LSAMP: variants seen among roughly 807,000 people sequenced by gnomAD.
LSAMP encodes the protein limbic system-associated membrane protein.
In LSAMP, 7 loss-of-function variants were observed where a neutral mutation model predicts 38.6. That is an observed-to-expected ratio of 0.18 (90% CI 0.10 to 0.34). The LOEUF is 0.34. Ranked by LOEUF, LSAMP falls within the 10% of genes least tolerant of loss-of-function variation. The pLI is 1.00. For synonymous variants in LSAMP, 154 were observed against 166.8 expected, an observed-to-expected ratio of 0.92 and a Z score of 0.59; for missense variants, 313 against 420.0, an observed-to-expected ratio of 0.75 and a Z score of 2.23.
intron 3 of LSAMP, among the ~76,000 whole-genome samples, chr3:115,919,814 G>T (rs1937341113): frequency 6.6e-6 from 1 of 152,110 alleles, no homozygotes; most frequent in African/African-American, 2.4e-5. Context: ...GTTTCACCAT[G>T]TTGGCCAGGC....
chr3:116,417,964 G>C (rs190791754), intron 1 of LSAMP, among the ~76,000 whole-genome samples: 6 of 152,262 alleles, frequency 3.9e-5, no homozygotes, highest in Non-Finnish European at 8.8e-5. Context: ...AGAGATAGAA[G>C]TTTGAGACTA....
intron 3 of LSAMP, among the ~76,000 whole-genome samples, chr3:115,924,493 ATGT>A (rs1223692148): frequency 1.3e-5 from 2 of 152,218 alleles, no homozygotes; most frequent in Non-Finnish European, 2.9e-5. Context: ...TATTGTCCAA[ATGT>A]TGCCTTCATA....
At chr3:116,386,737 T>C (rs2048631071) in intron 1 of LSAMP, among the ~76,000 whole-genome samples, 1 of 152,172 alleles carries the variant, frequency 6.6e-6, no homozygotes, top group Admixed American at 6.5e-5. Context: ...CTTCCCACAA[T>C]GCTGGGGTTA....
chr3:116,316,511 G>A (rs1201345262), intron 1 of LSAMP, among the ~76,000 whole-genome samples: 1 of 152,150 alleles, frequency 6.6e-6, no homozygotes, highest in African/African-American at 2.4e-5. Context: ...CGTGGCTCAC[G>A]CCTGTAATCC....
chr3:115,922,973 CTG>C (rs1559882478), intron 3 of LSAMP, among the ~76,000 whole-genome samples: 1 of 152,194 alleles, frequency 6.6e-6, no homozygotes, highest in African/African-American at 2.4e-5. Context: ...TCTGCCAGCA[CTG>C]TGAGTGAGGC....
intron 1 of LSAMP, among the ~76,000 whole-genome samples, chr3:116,261,756 A>G (rs1448762007): frequency 6.6e-6 from 1 of 151,908 alleles, no homozygotes; most frequent in Non-Finnish European, 1.5e-5. Context: ...ATGCTCTTAG[A>G]TCATTCTCTT....
chr3:116,063,344 C>A (rs1306643234), intron 2 of LSAMP, among the ~76,000 whole-genome samples: 1 of 152,188 alleles, frequency 6.6e-6, no homozygotes, highest in African/African-American at 2.4e-5. Context: ...CCCTGAAGAA[C>A]AAAATCCAGC....
chr3:116,220,394 CAA>C (rs1262975088), intron 1 of LSAMP, among the ~76,000 whole-genome samples: 2 of 130,290 alleles, frequency 1.5e-5, no homozygotes, highest in Non-Finnish European at 3.4e-5. Context: ...CACACACACA[CAA>C]AAGATACTTC....
intron 1 of LSAMP, among the ~76,000 whole-genome samples, chr3:116,366,194 A>G (rs2048351397): frequency 6.6e-6 from 1 of 152,034 alleles, no homozygotes; most frequent in South Asian, 2.1e-4. Context: ...AATCTCATTC[A>G]AAAGTGGGCA....
intron 1 of LSAMP, among the ~76,000 whole-genome samples, chr3:116,255,252 G>A (rs2046734425): frequency 6.6e-6 from 1 of 152,114 alleles, no homozygotes; most frequent in Admixed American, 6.6e-5. Context: ...ACTAACTAAA[G>A]AAGAAATTCC....
intron 3 of LSAMP, among the ~76,000 whole-genome samples, chr3:115,925,462 A>G (rs959884186): frequency 6.6e-6 from 1 of 152,208 alleles, no homozygotes; most frequent in African/African-American, 2.4e-5. Context: ...CAGTTAAATG[A>G]TGGGCCTCCA....
intron 3 of LSAMP, among the ~76,000 whole-genome samples, chr3:115,887,701 C>A (rs1936491099): frequency 6.6e-6 from 1 of 151,830 alleles, no homozygotes; most frequent in Non-Finnish European, 1.5e-5. Context: ...AATGAATTAT[C>A]AGTTTAGCAG....
intron 3 of LSAMP, among the ~76,000 whole-genome samples, chr3:115,863,742 T>G (rs1935779551): frequency 6.6e-6 from 1 of 152,008 alleles, no homozygotes; most frequent in South Asian, 2.1e-4. Context: ...ATATATTACC[T>G]TTATAATGCA....
chr3:116,353,662 C>CA (rs2048180673), intron 1 of LSAMP, among the ~76,000 whole-genome samples: 1 of 151,504 alleles, frequency 6.6e-6, no homozygotes, highest in African/African-American at 2.4e-5. Context: ...AGTGACAATA[C>CA]AAAAAAATGG....
At chr3:115,901,127 A>G (rs1017436150) in intron 3 of LSAMP, among the ~76,000 whole-genome samples, 1 of 152,094 alleles carries the variant, frequency 6.6e-6, no homozygotes, top group South Asian at 2.1e-4. Flanking sequence ...ATTCTCTGCT[A>G]TTAGCTGCTC....
chr3:116,291,853 A>T (rs756458022), intron 1 of LSAMP, among the ~76,000 whole-genome samples: 14 of 152,210 alleles, frequency 9.2e-5, no homozygotes, highest in Non-Finnish European at 1.9e-4. Flanking sequence ...TTTTCTGGAA[A>T]AATAATCCTT....
chr3:116,181,687 T>G (rs1903436), intron 1 of LSAMP, among the ~76,000 whole-genome samples: 75,833 of 151,734 alleles, frequency 0.5, 21,435 homozygotes, highest in East Asian at 0.74. Context: ...AGACAAATTA[T>G]TGTTATTATT....
intron 3 of LSAMP, among the ~76,000 whole-genome samples, chr3:115,958,787 C>T (rs896018666): frequency 4.6e-5 from 7 of 152,106 alleles, no homozygotes; most frequent in African/African-American, 1.4e-4. Context: ...TTTTTCTGCA[C>T]AGGATTCAGC....
At chr3:115,960,390 C>T (rs1235051033) in intron 3 of LSAMP, among the ~76,000 whole-genome samples, 1 of 152,184 alleles carries the variant, frequency 6.6e-6, no homozygotes, top group Non-Finnish European at 1.5e-5. Flanking sequence ...TCATGTCAGC[C>T]TTGGAGATTT....
Sources: allele counts gnomAD v4.1 joint callset (sites outside exome capture counted in the v4.1 genomes callset), GRCh38; gene constraint gnomAD v4.1.1; transcripts MANE v1.5; gene names NCBI Gene and HGNC (gene_info 2026-07-23, HGNC 2026-07-21).